AVL9: variants seen among roughly 807,000 people sequenced by gnomAD.
AVL9 encodes the protein AVL9 cell migration associated.
Under a neutral mutation model 79.2 loss-of-function variants are expected in AVL9, and 49 were observed. That is an observed-to-expected ratio of 0.62 (90% confidence interval 0.49 to 0.79). The LOEUF is 0.79. Ranked by LOEUF, AVL9 falls within the 30% of genes least tolerant of loss-of-function variation. The pLI is 0.00. For missense variants in AVL9, 682 were observed against 776.8 expected, an observed-to-expected ratio of 0.88 and a Z score of 1.45; for synonymous variants, 299 against 280.6, an observed-to-expected ratio of 1.07 and a Z score of -0.65.
chr7:32,551,200 C>A, intron 4 of AVL9, 134 bp from the exon 5 acceptor site: 1 of 623,672 alleles, frequency 1.6e-6, no homozygotes, highest in East Asian at 2.7e-5. Flanking sequence ...ATAATACGCA[C>A]TAAAGTTGAT....
intron 10 of AVL9, among the ~76,000 whole-genome samples, chr7:32,560,562 C>T (rs1215461756): frequency 2.6e-5 from 4 of 152,070 alleles, no homozygotes; most frequent in African/African-American, 9.7e-5. Flanking sequence ...TTGCTGTTTC[C>T]ACCAAATCTC....
chr7:32,580,317 T>G, intron 14 of AVL9, 45 bp downstream of exon 14: 1 of 1,463,274 alleles, frequency 6.8e-7, no homozygotes, highest in Non-Finnish European at 9.5e-7. Context: ...AAGTCTGAAT[T>G]TATGCCATGT....
intron 13 of AVL9, among the ~76,000 whole-genome samples, chr7:32,579,568 ATTATATTATATATTATATATTATATATT>A: frequency 5.6e-4 from 3 of 5,392 alleles, no homozygotes; most frequent in African/African-American, 2.3e-3. Context: ...TATATTATAT[ATTATATTATATATTATATATTATATATT>A]ATATATTATA....
rs1462598945 is a variant in AVL9, at chr7:32,584,785, G to T, written c.*878G>T. 3.6e-5 allele frequency: 2 copies of T among 56,308 alleles called. No homozygotes were observed. The highest frequency in any genetic ancestry group is 6.3e-4 in the East Asian group (1 of 1,582). The allele number at this position is 56,308 out of a possible 1,614,324, so 3.5% of individuals were successfully genotyped here. ...TTCTCTTTTTTTTTTTGGGGGGGGGGGGGGGGCGGGGTCTCACTCTATCGC... is the reference window on the plus strand; with the variant it reads ...TTCTCTTTTTTTTTTTGGGGGGGGGTGGGGGGCGGGGTCTCACTCTATCGC... On this transcript the variant is annotated 3_prime_UTR_variant, in exon 16 of 16. Transcript: ENST00000318709.
At position 32,569,827 on chromosome 7, in the gene AVL9, C is replaced by T. The variant is rs181778203; in HGVS notation, c.1216-193C>T. On this transcript the variant is annotated intron_variant, in intron 10 of 15. Coordinates refer to ENST00000318709, the MANE Select transcript of AVL9 (RefSeq NM_015060.3). Reference sequence around the variant, plus strand: ...CCATTCATGGAGACAATTAGCTAATCATTAACTGGACTTACTGTAGTCAAG... The same window carrying T: ...CCATTCATGGAGACAATTAGCTAATTATTAACTGGACTTACTGTAGTCAAG... 4.4e-4 allele frequency among the ~76,000 whole-genome samples: 67 copies of T among 152,296 alleles called. No homozygotes were observed. The East Asian group carries it at 0.012, about 27-fold the overall frequency.
intron 1 of AVL9, among the ~76,000 whole-genome samples, chr7:32,527,147 G>A (rs571304722): frequency 2.6e-5 from 4 of 152,280 alleles, no homozygotes; most frequent in Non-Finnish European, 4.4e-5. Context: ...CAAAGATGCC[G>A]AAACAGCTGA....
chr7:32,562,282 GAA>G (rs61322749), intron 10 of AVL9, among the ~76,000 whole-genome samples: 9 of 151,862 alleles, frequency 5.9e-5, no homozygotes, highest in Non-Finnish European at 1.2e-4. Flanking sequence ...AGTTTTAAAA[GAA>G]AAAAGCTTAG....
At chr7:32,528,344 G>T (rs1457779269) in intron 1 of AVL9, among the ~76,000 whole-genome samples, 2 of 152,254 alleles carry the variant, frequency 1.3e-5, no homozygotes, top group Admixed American at 6.5e-5. Flanking sequence ...ACCTCCTGAG[G>T]TTGTCATGGG....
At chr7:32,497,843 G>A (rs1388014031) in intron 1 of AVL9, among the ~76,000 whole-genome samples, 1 of 152,036 alleles carries the variant, frequency 6.6e-6, no homozygotes. Flanking sequence ...AGTAGAGACG[G>A]GGTTTCACAA....
chr7:32,503,429 G>A (rs892763399), intron 1 of AVL9, among the ~76,000 whole-genome samples: 17 of 135,756 alleles, frequency 1.3e-4, no homozygotes, highest in Non-Finnish European at 1.8e-4. Flanking sequence ...TTGGTGGCAC[G>A]TGCCTGTAGT....
intron 1 of AVL9, among the ~76,000 whole-genome samples, chr7:32,507,337 G>T (rs1787454397): frequency 6.6e-6 from 1 of 152,182 alleles, no homozygotes. Context: ...GATCACAATT[G>T]TGTGTAATTA....
At chr7:32,580,086 T>C in intron 13 of AVL9, 133 bp from the exon 14 acceptor site, 1 of 666,298 alleles carries the variant, frequency 1.5e-6, no homozygotes, top group South Asian at 1.9e-5. Flanking sequence ...AAGCCAAGTT[T>C]CCCGATACCA....
chr7:32,536,124 G>A (rs1788894267), intron 1 of AVL9: 3 of 152,128 alleles, frequency 2.0e-5, no homozygotes, highest in Admixed American at 2.0e-4. Context: ...GATATATCTG[G>A]GTACTTAACA....
intron 1 of AVL9, among the ~76,000 whole-genome samples, chr7:32,523,791 T>G (rs1261972286): frequency 2.0e-5 from 3 of 148,484 alleles, no homozygotes; most frequent in African/African-American, 7.5e-5. Flanking sequence ...TGGAGTGCAG[T>G]GGCACGATCT....
At chr7:32,580,729 A>G (rs1304972990) in intron 14 of AVL9, 73 bp from the exon 15 acceptor site, 2 of 963,124 alleles carry the variant, frequency 2.1e-6, no homozygotes, top group Non-Finnish European at 3.3e-6. Flanking sequence ...GTGTGTCTAT[A>G]TGTGTCTGTG....
chr7:32,580,130 G>A (rs763853648), intron 13 of AVL9, 89 bp from the exon 14 acceptor site: 22 of 1,048,494 alleles, frequency 2.1e-5, no homozygotes, highest in Non-Finnish European at 3.1e-5. Context: ...TGTTGTCCAT[G>A]AGAAGTTTAC....
intron 11 of AVL9, among the ~76,000 whole-genome samples, chr7:32,571,177 A>G (rs1790825661): frequency 6.8e-6 from 1 of 146,802 alleles, no homozygotes; most frequent in South Asian, 2.2e-4. Context: ...GGTTGCAGTG[A>G]GCCAAGATTG....
intron 8 of AVL9, among the ~76,000 whole-genome samples, chr7:32,556,243 A>G (rs1345994686): frequency 6.6e-6 from 1 of 152,176 alleles, no homozygotes; most frequent in Non-Finnish European, 1.5e-5. Flanking sequence ...GGCTGGGCAC[A>G]GTGGCTCACG....
intron 4 of AVL9, among the ~76,000 whole-genome samples, chr7:32,550,913 T>A (rs892613057): frequency 1.3e-5 from 2 of 152,184 alleles, no homozygotes; most frequent in African/African-American, 4.8e-5. Flanking sequence ...CATATAATAG[T>A]AATCGCTAAT....
Sources: allele counts gnomAD v4.1 joint callset (sites outside exome capture counted in the v4.1 genomes callset), GRCh38; gene constraint gnomAD v4.1.1; transcripts MANE v1.5; gene names NCBI Gene and HGNC (gene_info 2026-07-23, HGNC 2026-07-21).